The following ARSB variants were observed in gnomAD, a reference collection of about 807,000 sequenced individuals.
The protein encoded by ARSB is N-acetylgalactosamine-4-sulfatase.
In ARSB, 41 loss-of-function variants were observed where a neutral mutation model predicts 50.9. The ratio of observed to expected loss-of-function variants is 0.81; its 90% CI spans 0.63 to 1.04. The LOEUF (loss-of-function observed/expected upper bound fraction) is 1.04. ARSB is among the 50% of genes least tolerant of loss of function. The pLI, the probability that ARSB is intolerant of heterozygous loss-of-function variation, is 0.00. For synonymous variants in ARSB, 269 were observed against 284.8 expected, an observed-to-expected ratio of 0.94 and a Z score of 0.56; for missense variants, 672 against 693.3, an observed-to-expected ratio of 0.97 and a Z score of 0.35.
chr5:78,964,049 C>T (rs931685116), intron 3 of ARSB, among the ~76,000 whole-genome samples: 1 of 152,158 alleles, frequency 6.6e-6, no homozygotes, highest in South Asian at 2.1e-4. Flanking sequence ...TTATTAATTA[C>T]TCACAGCACA....
At chr5:78,976,410 C>A (rs184167880) in intron 1 of ARSB, among the ~76,000 whole-genome samples, 1 of 151,686 alleles carries the variant, frequency 6.6e-6, no homozygotes. Context: ...CCATCTACCC[C>A]CCTGCCCCCG....
At chr5:78,832,693 T>G (rs562753200) in intron 6 of ARSB, among the ~76,000 whole-genome samples, 1 of 152,230 alleles carries the variant, frequency 6.6e-6, no homozygotes, top group South Asian at 2.1e-4. Flanking sequence ...TCTTTCACCC[T>G]ATAATCAGGA....
At chr5:78,856,074 C>T (rs1746128217) in intron 5 of ARSB, among the ~76,000 whole-genome samples, 1 of 152,208 alleles carries the variant, frequency 6.6e-6, no homozygotes, top group African/African-American at 2.4e-5. Flanking sequence ...CATGCTTCTT[C>T]AACTTCATTC....
At chr5:78,929,470 C>T (rs1358145693) in intron 4 of ARSB, among the ~76,000 whole-genome samples, 1 of 152,044 alleles carries the variant, frequency 6.6e-6, no homozygotes, top group African/African-American at 2.4e-5. Context: ...AATTAGAGAC[C>T]ACTACCATGA....
chr5:78,850,933 A>G (rs1745741134), intron 5 of ARSB, among the ~76,000 whole-genome samples: 1 of 152,078 alleles, frequency 6.6e-6, no homozygotes, highest in South Asian at 2.1e-4. Flanking sequence ...TATTGCGTCT[A>G]TTTGATTCTT....
At chr5:78,935,486 C>G (rs1223511476) in intron 4 of ARSB, among the ~76,000 whole-genome samples, 1 of 152,164 alleles carries the variant, frequency 6.6e-6, no homozygotes, top group Non-Finnish European at 1.5e-5. Context: ...TAGCAGAGAG[C>G]TTGGCCCGTG....
At chr5:78,792,378 CAAA>C (rs1178658652) in intron 6 of ARSB, among the ~76,000 whole-genome samples, 8 of 105,498 alleles carry the variant, frequency 7.6e-5, no homozygotes, top group Non-Finnish European at 8.1e-5. Flanking sequence ...GAATCTGTCG[CAAA>C]AAAAAAAAAA....
chr5:78,985,411 G>T (rs1580171396), upstream of ARSB: 2 of 595,164 alleles, frequency 3.4e-6, no homozygotes, highest in Non-Finnish European at 4.7e-6. Context: ...CGCCGCCTCC[G>T]ACCCGGGCCC....
chr5:78,911,385 C>A lies in ARSB; in HGVS notation c.899-25558G>T, dbSNP rs1264179394. 4.0e-5 allele frequency among the ~76,000 whole-genome samples: 6 copies of A among 151,866 alleles called. No individual in the cohort carries two copies. In the East Asian group the frequency reaches 1.2e-3, roughly 29 times the overall value. Reference sequence around the variant, plus strand: ...GGTCAGGAGTTTGAGACCAGCCTGGCCAACATGGTGAAACCCCGTCTCTAC... The same window carrying A: ...GGTCAGGAGTTTGAGACCAGCCTGGACAACATGGTGAAACCCCGTCTCTAC... On this transcript the variant is annotated intron_variant, in intron 4 of 7. Coordinates refer to ENST00000264914, the MANE Select transcript of ARSB (RefSeq NM_000046.5).
intron 3 of ARSB, among the ~76,000 whole-genome samples, chr5:78,959,194 T>C (rs2112496615): frequency 6.6e-6 from 1 of 152,298 alleles, no homozygotes. Flanking sequence ...CCCCTTTGCT[T>C]GGCACTTCTC....
At chr5:78,870,643 T>G (rs1294414268) in intron 5 of ARSB, among the ~76,000 whole-genome samples, 1 of 151,180 alleles carries the variant, frequency 6.6e-6, no homozygotes, top group Non-Finnish European at 1.5e-5. Flanking sequence ...CTCAATAAAT[T>G]AGGTATTGAT....
At chr5:78,846,383 T>C (rs948444290) in intron 5 of ARSB, among the ~76,000 whole-genome samples, 4 of 152,216 alleles carry the variant, frequency 2.6e-5, no homozygotes, top group Admixed American at 6.5e-5. Flanking sequence ...TGGGTGCATG[T>C]AAATTTTAGG....
chr5:78,947,262 A>T (rs1187484642), intron 4 of ARSB, among the ~76,000 whole-genome samples: 3 of 152,360 alleles, frequency 2.0e-5, no homozygotes, highest in African/African-American at 7.2e-5. Flanking sequence ...AGGTAACCAA[A>T]GCAAAAATGG....
intron 3 of ARSB, among the ~76,000 whole-genome samples, chr5:78,958,793 AC>A (rs1476039179): frequency 1.3e-5 from 2 of 152,076 alleles, no homozygotes; most frequent in Non-Finnish European, 2.9e-5. Context: ...TTATAGATTA[AC>A]CACCTCCTTT....
Position 78,780,523 on chromosome 5 carries a change from AG to A in ARSB, c.1475del (p.Pro492LeufsTer82), listed in dbSNP as rs1554069669. ...GGGACAGGAGCTTTGTGACGATGTGAGGATATTCTCTGGACAGGTCATGTCT... is the reference window on the plus strand; with the variant it reads ...GGGACAGGAGCTTTGTGACGATGTGAGATATTCTCTGGACAGGTCATGTCT... ...EERHDLSREY[P>X]HIVTKLLSRL... On this transcript the variant is annotated frameshift_variant, in exon 8 of 8. Transcript: ENST00000264914. LOFTEE classifies it high-confidence loss of function. 1 of 1,614,130 alleles carries A rather than the reference AG, an allele frequency of 6.2e-7. No homozygotes were observed. Among genetic ancestry groups the A allele is most frequent in the Non-Finnish European group, 8.5e-7 (1 of 1,180,010 alleles).
At chr5:78,929,730 T>C (rs1580075940) in intron 4 of ARSB, among the ~76,000 whole-genome samples, 1 of 149,102 alleles carries the variant, frequency 6.7e-6, no homozygotes, top group African/African-American at 2.5e-5. Context: ...GGGGCTGAGA[T>C]TGCAGTCAGC....
rs1396554870 is a variant in ARSB, at chr5:78,964,539, G to C, written c.567C>G (p.Val189=). Residue 189 remains valine (V), a synonymous_variant, in exon 3 of 8, where the codon GTC becomes GTG. Coordinates refer to ENST00000264914, the MANE Select transcript of ARSB (RefSeq NM_000046.5). ...CTCGAAAATCAAGAGCACATCGTGTGACATTCAGAGCGTCAATTAATGTAC... is the reference window on the plus strand; with the variant it reads ...CTCGAAAATCAAGAGCACATCGTGTCACATTCAGAGCGTCAATTAATGTAC... The part of the protein sequence containing the change: ...ERCTLIDALN[V]TRCALDFRDG... 1.2e-6 allele frequency: 2 copies of C among 1,613,878 alleles called. No individual in the cohort carries two copies. The highest frequency in any genetic ancestry group is 2.7e-5 in the African/African-American group (2 of 74,916).
intron 5 of ARSB, among the ~76,000 whole-genome samples, chr5:78,863,301 T>C (rs753523899): frequency 2.5e-4 from 38 of 152,276 alleles, no homozygotes; most frequent in South Asian, 1.0e-3. Flanking sequence ...TAAAGACACA[T>C]GCACACGTAT....
intron 4 of ARSB, among the ~76,000 whole-genome samples, chr5:78,928,774 G>A (rs1750181346): frequency 6.6e-6 from 1 of 152,136 alleles, no homozygotes. Flanking sequence ...TAATTTGCCT[G>A]TTTTAATATA....
Sources: allele counts gnomAD v4.1 joint callset (sites outside exome capture counted in the v4.1 genomes callset), GRCh38; gene constraint gnomAD v4.1.1; transcripts MANE v1.5; gene names NCBI Gene and HGNC (gene_info 2026-07-23, HGNC 2026-07-21).